MRPL48: variants seen among roughly 807,000 people sequenced by gnomAD.
The protein encoded by MRPL48 is mitochondrial ribosomal protein L48.
A neutral mutation model predicts 32.9 loss-of-function variants in MRPL48; 16 were observed. The ratio of observed to expected loss-of-function variants is 0.49; its 90% confidence interval spans 0.33 to 0.74. The LOEUF (loss-of-function observed/expected upper bound fraction) is 0.74. Ranked by LOEUF, MRPL48 falls within the 30% of genes least tolerant of loss-of-function variation. The pLI is 0.02. For missense variants in MRPL48, 206 were observed against 245.3 expected, an observed-to-expected ratio of 0.84 and a Z score of 1.07; for synonymous variants, 94 against 89.2, an observed-to-expected ratio of 1.05 and a Z score of -0.31.
chr11:73,844,135 A>G (rs898565650), intron 4 of MRPL48, among the ~76,000 whole-genome samples: 6 of 151,774 alleles, frequency 4.0e-5, no homozygotes, highest in Admixed American at 2.6e-4. Flanking sequence ...ATGGGTTAGG[A>G]ATATTTTAAT....
At position 73,825,708 on chromosome 11, in the gene MRPL48, G is replaced by T. The variant is rs1392639968; in HGVS notation, c.113G>T (p.Gly38Val). 1 of 1,557,438 alleles carries T rather than the reference G, an allele frequency of 6.4e-7. No individual in the cohort carries two copies. The highest frequency in any genetic ancestry group is 2.4e-5 in the East Asian group (1 of 41,532). The change falls in exon 4 of 8, where the codon GGT (glycine) becomes GTT (valine). Residue 38 changes from glycine to valine, a missense_variant and splice_region_variant. Coordinates refer to ENST00000310614, the MANE Select transcript of MRPL48 (RefSeq NM_016055.6). ...TSGEKPIYSV[G>V]GILLSISRPY... ...GTTTGTCTTATTTTCTCTCTTTTAG[G>T]TGGAATTCTACTAAGTATCAGTCGG...
intron 1 of MRPL48, among the ~76,000 whole-genome samples, chr11:73,800,872 C>T (rs1190085732): frequency 2.1e-5 from 3 of 143,926 alleles, no homozygotes; most frequent in Non-Finnish European, 3.0e-5. Context: ...AGTGCAATGG[C>T]GTGATCTCGG....
At chr11:73,809,903 GC>G (rs1947535788) in intron 3 of MRPL48, among the ~76,000 whole-genome samples, 1 of 152,202 alleles carries the variant, frequency 6.6e-6, no homozygotes, top group Non-Finnish European at 1.5e-5. Context: ...GAAGATGGCG[GC>G]AATGTGTAGG....
At chr11:73,860,511 AC>A (rs1320708896) in intron 6 of MRPL48, 1 of 151,688 alleles carries the variant, frequency 6.6e-6, no homozygotes, top group Non-Finnish European at 1.5e-5. Flanking sequence ...ACTTCACTTT[AC>A]CCCCATAACA....
chr11:73,853,181 A>G (rs1948430193), intron 5 of MRPL48, among the ~76,000 whole-genome samples: 1 of 152,232 alleles, frequency 6.6e-6, no homozygotes, highest in Non-Finnish European at 1.5e-5. Context: ...AATATTTGAT[A>G]GCACAACAGG....
At chr11:73,860,095 T>C in intron 6 of MRPL48, 86 bp downstream of exon 6, 2 of 1,129,946 alleles carry the variant, frequency 1.8e-6, no homozygotes, top group Non-Finnish European at 2.5e-6. Flanking sequence ...TATGCTCTTT[T>C]CTTTTCTTTC....
At chr11:73,828,240 T>TC (rs1169314816) in intron 4 of MRPL48, among the ~76,000 whole-genome samples, 1 of 151,718 alleles carries the variant, frequency 6.6e-6, no homozygotes, top group Non-Finnish European at 1.5e-5. Context: ...TTTTTTTTTT[T>TC]TTTTTAAATA....
chr11:73,798,045 A>T (rs1947289846), intron 1 of MRPL48, among the ~76,000 whole-genome samples: 1 of 152,142 alleles, frequency 6.6e-6, no homozygotes. Flanking sequence ...ATATGTTTAG[A>T]AGGTTATGGC....
intron 1 of MRPL48, among the ~76,000 whole-genome samples, chr11:73,790,228 C>T (rs1947124463): frequency 6.7e-6 from 1 of 150,200 alleles, no homozygotes; most frequent in Admixed American, 6.7e-5. Flanking sequence ...CACCACCATG[C>T]CCGGCTAATT....
chr11:73,816,025 T>G (rs542892361), intron 3 of MRPL48, among the ~76,000 whole-genome samples: 13 of 151,386 alleles, frequency 8.6e-5, no homozygotes, highest in Non-Finnish European at 1.9e-4. Flanking sequence ...TGGGCCTGGC[T>G]TGGAACTACT....
intron 6 of MRPL48, 145 bp downstream of exon 6, chr11:73,860,154 C>A (rs768206638): frequency 1.6e-6 from 1 of 624,360 alleles, no homozygotes; most frequent in Non-Finnish European, 2.7e-6. Context: ...TCCATCTCTC[C>A]TTTTATAATA....
At chr11:73,855,496 TTTTTA>T (rs758372694) in intron 5 of MRPL48, among the ~76,000 whole-genome samples, 92 of 152,282 alleles carry the variant, frequency 6.0e-4, no homozygotes, top group Non-Finnish European at 1.0e-3. Context: ...GATGCCATCT[TTTTTA>T]TTTTGAGATG....
intron 1 of MRPL48, among the ~76,000 whole-genome samples, chr11:73,795,099 A>G (rs1947232089): frequency 6.6e-6 from 1 of 151,054 alleles, no homozygotes; most frequent in Non-Finnish European, 1.5e-5. Context: ...TTTTTTTAGT[A>G]GAGACGGGGT....
chr11:73,844,733 A>G, intron 4 of MRPL48, 74 bp from the exon 5 acceptor site: 1 of 1,456,374 alleles, frequency 6.9e-7, no homozygotes, highest in Non-Finnish European at 9.2e-7. Context: ...TTGACTTTTT[A>G]AAATATCAAG....
At position 73,800,931 on chromosome 11, in the gene MRPL48, C is replaced by T. The variant is rs563172027; in HGVS notation, c.22-4096C>T. Among the ~76,000 whole-genome samples, 284 of 151,708 alleles carry T rather than the reference C, an allele frequency of 1.9e-3. 3 individuals carry two copies. Among genetic ancestry groups the T allele is most frequent in the African/African-American group, 6.7e-3 (279 of 41,356 alleles). On this transcript the variant is annotated intron_variant, in intron 1 of 7. Transcript: ENST00000310614. ...GGTTCAAGCCATTCTCCTGCCTCAG[C>T]CTCTGGAGTAGCTGGGATTACAGGC... is the stretch of plus-strand genomic sequence containing the variant.
At chr11:73,854,534 G>A (rs376733110) in intron 5 of MRPL48, among the ~76,000 whole-genome samples, 4 of 152,000 alleles carry the variant, frequency 2.6e-5, no homozygotes, top group East Asian at 3.9e-4. Flanking sequence ...TGATCCGCCC[G>A]CCTTGGCCTC....
At chr11:73,822,621 C>A (rs910089817) in intron 3 of MRPL48, among the ~76,000 whole-genome samples, 1 of 152,088 alleles carries the variant, frequency 6.6e-6, no homozygotes, top group African/African-American at 2.4e-5. Context: ...CTCTGATAGG[C>A]CTCACACAGA....
chr11:73,816,483 G>C (rs1001434698), intron 3 of MRPL48, among the ~76,000 whole-genome samples: 1 of 151,660 alleles, frequency 6.6e-6, no homozygotes, highest in Non-Finnish European at 1.5e-5. Flanking sequence ...TTTTATTTTT[G>C]AGATGGAGTT....
intron 3 of MRPL48, among the ~76,000 whole-genome samples, chr11:73,820,002 C>T (rs913116359): frequency 1.3e-5 from 2 of 152,188 alleles, no homozygotes; most frequent in Non-Finnish European, 2.9e-5. Flanking sequence ...AATCTGTCAG[C>T]TCTCAAGGAC....
Sources: gnomAD v4.1 joint callset for allele counts (sites outside exome capture counted in the v4.1 genomes callset) on GRCh38, gnomAD v4.1.1 for gene constraint, MANE v1.5 for transcripts, NCBI Gene and HGNC (gene_info 2026-07-23, HGNC 2026-07-21) for gene names.